The following PLXDC2 variants were observed in gnomAD, a reference collection of about 807,000 sequenced individuals.
PLXDC2 encodes the protein plexin domain-containing protein 2.
A neutral mutation model predicts 68.9 loss-of-function variants in PLXDC2; 40 were observed. The observed-to-expected ratio is 0.58, with a 90% CI of 0.45 to 0.76. The LOEUF is 0.76. Ranked by LOEUF, PLXDC2 falls within the 30% of genes least tolerant of loss-of-function variation. The pLI is 0.00. For synonymous variants in PLXDC2, 243 were observed against 234.2 expected (o/e 1.04, Z -0.34); for missense variants, 644 against 661.9 (o/e 0.97, Z 0.30).
intron 1 of PLXDC2, among the ~76,000 whole-genome samples, chr10:19,988,239 G>A (rs1260268126): frequency 6.6e-6 from 1 of 152,168 alleles, no homozygotes; most frequent in Admixed American, 6.5e-5. Context: ...GAAAATACCT[G>A]ATATGTGTAG....
intron 11 of PLXDC2, 114 bp from the exon 12 acceptor site, chr10:20,218,941 TAAATTATCA>T (rs1835175042): frequency 9.4e-7 from 1 of 1,060,186 alleles, no homozygotes; most frequent in Non-Finnish European, 1.4e-6. Flanking sequence ...ATTACCACAA[TAAATTATCA>T]AAATCTAGTC....
chr10:20,162,591 G>A (rs1164120196), intron 6 of PLXDC2, among the ~76,000 whole-genome samples: 6 of 151,978 alleles, frequency 3.9e-5, no homozygotes, highest in Admixed American at 1.3e-4. Context: ...AAGTGAATTG[G>A]AATTTTTCCC....
intron 4 of PLXDC2, among the ~76,000 whole-genome samples, chr10:20,088,386 G>A (rs935503455): frequency 4.6e-5 from 7 of 152,110 alleles, no homozygotes; most frequent in African/African-American, 1.4e-4. Context: ...TATTTTTCTT[G>A]GTTGAGAAGA....
intron 1 of PLXDC2, among the ~76,000 whole-genome samples, chr10:19,906,467 G>A (rs1412979433): frequency 6.6e-6 from 1 of 152,194 alleles, no homozygotes; most frequent in Non-Finnish European, 1.5e-5. Context: ...ATTGGCTAGT[G>A]TGAATACTTT....
intron 9 of PLXDC2, among the ~76,000 whole-genome samples, chr10:20,201,785 A>G (rs1018702345): frequency 2.0e-5 from 3 of 152,116 alleles, no homozygotes; most frequent in African/African-American, 7.2e-5. Flanking sequence ...CTCTCAAAGG[A>G]TATTTATGGA....
rs199670298 is a variant in PLXDC2, at chr10:20,280,149, G to GAA, written c.*339_*340dup. On this transcript the variant is annotated 3_prime_UTR_variant, in exon 14 of 14. Transcript: ENST00000377252. ...TAGGTGCAGGGTTGCAAAGGGATCA[G>GAA]AAAAAAAAAATCATAATAAAGCTTT... 5 of 196,032 alleles carry GAA rather than the reference G, an allele frequency of 2.6e-5. No individual in the cohort carries two copies. Among genetic ancestry groups the GAA allele is most frequent in the East Asian group, 1.2e-4 (1 of 8,390 alleles). 12.1% of individuals were successfully genotyped at this position (196,032 alleles called of 1,614,324 possible). A position where few individuals can be genotyped will look rare whatever the true frequency, so the allele number is the denominator to read the frequency against.
At chr10:20,001,693 C>A (rs974851097) in intron 1 of PLXDC2, 82 bp from the exon 2 acceptor site, 2 of 1,299,604 alleles carry the variant, frequency 1.5e-6, no homozygotes, top group Middle Eastern at 2.0e-4. Flanking sequence ...TCACAGAATT[C>A]TTTTTTCTTC....
chr10:20,207,031 C>T (rs963351884), intron 9 of PLXDC2, among the ~76,000 whole-genome samples: 10 of 152,050 alleles, frequency 6.6e-5, no homozygotes, highest in South Asian at 2.1e-4. Flanking sequence ...AATTGCTTTT[C>T]GATGCCATTT....
intron 4 of PLXDC2, among the ~76,000 whole-genome samples, chr10:20,139,293 A>G (rs1014081848): frequency 3.9e-5 from 6 of 152,228 alleles, no homozygotes; most frequent in African/African-American, 1.2e-4. Context: ...TTTGAGATTC[A>G]AAGAACAAAA....
chr10:19,854,654 A>T (rs1425620402), intron 1 of PLXDC2, among the ~76,000 whole-genome samples: 1 of 152,240 alleles, frequency 6.6e-6, no homozygotes, highest in East Asian at 1.9e-4. Context: ...AAGTTAAAAA[A>T]AACCTCAGTT....
chr10:20,206,722 ATGAATTTGCATT>A (rs1286701670), intron 9 of PLXDC2, among the ~76,000 whole-genome samples: 1 of 152,126 alleles, frequency 6.6e-6, no homozygotes, highest in Non-Finnish European at 1.5e-5. Context: ...AGTTAGACCT[ATGAATTTGCATT>A]TGGACAGGCA....
chr10:20,017,604 C>T (rs72791835), intron 2 of PLXDC2, among the ~76,000 whole-genome samples: 17,613 of 152,158 alleles, frequency 0.12, 1,171 homozygotes, highest in Admixed American at 0.18. Flanking sequence ...AGACTTCCTC[C>T]GAACAGAATT....
At chr10:19,934,756 G>T (rs72785841) in intron 1 of PLXDC2, among the ~76,000 whole-genome samples, 18,632 of 152,138 alleles carry the variant, frequency 0.12, 1,229 homozygotes, top group African/African-American at 0.15. Flanking sequence ...ACTAGTTTGC[G>T]TTCTAGACTG....
At chr10:19,955,304 A>T (rs1417208580) in intron 1 of PLXDC2, among the ~76,000 whole-genome samples, 1 of 151,402 alleles carries the variant, frequency 6.6e-6, no homozygotes, top group African/African-American at 2.4e-5. Context: ...AACTGCTGAG[A>T]TGACAGATGT....
chr10:19,955,212 T>C (rs1589554888), intron 1 of PLXDC2, among the ~76,000 whole-genome samples: 1 of 151,454 alleles, frequency 6.6e-6, no homozygotes, highest in Admixed American at 6.6e-5. Context: ...TTTTTTTTTT[T>C]TTTTAGAAAC....
intron 3 of PLXDC2, among the ~76,000 whole-genome samples, chr10:20,058,555 C>T (rs557640989): frequency 3.3e-5 from 5 of 152,160 alleles, no homozygotes; most frequent in East Asian, 3.9e-4. Flanking sequence ...TCTGTTACAT[C>T]GATAATAATA....
At chr10:20,205,462 A>C (rs958757476) in intron 9 of PLXDC2, among the ~76,000 whole-genome samples, 1 of 152,126 alleles carries the variant, frequency 6.6e-6, no homozygotes, top group Non-Finnish European at 1.5e-5. Context: ...TTTTGAATAA[A>C]GATTTGGCCC....
Position 20,288,896 on chromosome 10 carries a change from T to G in PLXDC2, c.*9077T>G, listed in dbSNP as rs1836194350. On this transcript the variant is annotated 3_prime_UTR_variant, in exon 14 of 14. Transcript: ENST00000377252. ...CAAATGTTACCTGTGTTTTTGCTGT[T>G]GATTGCTATTTTCAGAAGCAAACCA... 1.3e-5 allele frequency: 2 copies of G among 152,146 alleles called. No homozygotes were observed. The highest frequency in any genetic ancestry group is 6.5e-5 in the Admixed American group (1 of 15,282). The allele number at this position is 152,146 out of a possible 1,614,324, so 9.4% of individuals were successfully genotyped here.
chr10:19,933,432 G>A (rs1192444961), intron 1 of PLXDC2, among the ~76,000 whole-genome samples: 3 of 151,998 alleles, frequency 2.0e-5, no homozygotes, highest in Admixed American at 6.6e-5. Flanking sequence ...TCAGGAGTTC[G>A]AGACCAGCCT....
Sources: allele counts gnomAD v4.1 joint callset (sites outside exome capture counted in the v4.1 genomes callset), GRCh38; gene constraint gnomAD v4.1.1; transcripts MANE v1.5; gene names NCBI Gene and HGNC (gene_info 2026-07-23, HGNC 2026-07-21).